The following CD300C variants were observed in gnomAD, a reference collection of about 807,000 sequenced individuals.
CD300C encodes the protein CD300c molecule.
In CD300C, 11 loss-of-function variants were observed where a neutral mutation model predicts 18.4. The ratio of observed to expected loss-of-function variants is 0.60; its 90% CI spans 0.38 to 0.99. The LOEUF is 0.99. Among genes scored for constraint, CD300C ranks in the 50% least tolerant of loss-of-function variants. CD300C has a pLI of 0.01. For synonymous variants in CD300C, 116 were observed against 116.3 expected, an observed-to-expected ratio of 1.00 and a Z score of 0.02; for missense variants, 277 against 287.4, an observed-to-expected ratio of 0.96 and a Z score of 0.26.
chr17:74,544,944 T>C lies in CD300C; in HGVS notation c.65A>G (p.Tyr22Cys). 1 of 1,605,686 alleles carries C rather than the reference T, an allele frequency of 6.2e-7. No individual in the cohort carries two copies. The highest frequency in any genetic ancestry group is 1.1e-5 in the South Asian group (1 of 90,078). ...GGTCATGGGGTGGCTCAGAGGAAAA[T>C]AGCCTGAAAAATACAAGCCAAAATC... ...SALLLLLVPGYFPLSHPMTVA... is the reference protein window; with the variant it reads ...SALLLLLVPGCFPLSHPMTVA... The change falls in exon 2 of 4, where the codon TAT becomes TGT. Residue 22 changes from tyrosine to cysteine, a missense_variant. Coordinates refer to ENST00000330793, the MANE Select transcript of CD300C (RefSeq NM_006678.5).
At chr17:74,541,996 G>A (rs113474324) in intron 3 of CD300C, among the ~76,000 whole-genome samples, 2,560 of 152,244 alleles carry the variant, frequency 0.017, 78 homozygotes, top group African/African-American at 0.057. Context: ...CAGGGTCTGT[G>A]TCCAGGACGC....
downstream of CD300C, among the ~76,000 whole-genome samples, chr17:74,539,134 A>G (rs1475251290): frequency 6.6e-6 from 1 of 151,798 alleles, no homozygotes; most frequent in African/African-American, 2.4e-5. Flanking sequence ...GACTCTCCCA[A>G]CCCTCTTACA....
Position 74,541,506 on chromosome 17 carries a change from GC to G in CD300C, c.*82del. On this transcript the variant is annotated 3_prime_UTR_variant, in exon 4 of 4. Coordinates refer to ENST00000330793, the MANE Select transcript of CD300C (RefSeq NM_006678.5). ...GATTCCAGGAGATGTGGAGAGAGCA[GC>G]CCGGGAGGGAGTGGTCAGGAGGTCA... 1 of 915,564 alleles carries G rather than the reference GC, an allele frequency of 1.1e-6. No homozygotes were observed. Among genetic ancestry groups the G allele is most frequent in the South Asian group, 1.3e-5 (1 of 75,374 alleles). 56.7% of individuals were successfully genotyped at this position (915,564 alleles called of 1,614,324 possible).
At chr17:74,540,248 C>T (rs921629935), downstream of CD300C, among the ~76,000 whole-genome samples, 2 of 152,216 alleles carry the variant, frequency 1.3e-5, no homozygotes, top group African/African-American at 4.8e-5. Context: ...CTCCTGATCC[C>T]TGCTTGCTCA....
chr17:74,544,897 A>T lies in CD300C; in HGVS notation c.112T>A (p.Ser38Thr). 6.2e-7 allele frequency: 1 copy of T among 1,612,328 alleles called. No individual in the cohort carries two copies. Residue 38 changes from serine (S) to threonine (T), a missense_variant, in exon 2 of 4, where the codon TCC becomes ACC. Physicochemically the swap from Ser to Thr is moderately conservative, Grantham distance 58. Transcript: ENST00000330793. Reference protein sequence around the residue: ...PMTVAGPVGGSLSVQCRYEKE... With the variant: ...PMTVAGPVGGTLSVQCRYEKE... ...TCATAGCGACACTGCACACTCAGGG[A>T]TCCCCCCACGGGGCCCGCCACGGTC... is the stretch of plus-strand genomic sequence containing the variant.
In CD300C at chr17:74,541,493, T is replaced by C; in HGVS notation, c.*96A>G. 1.2e-6 allele frequency: 1 copy of C among 804,534 alleles called. No individual in the cohort carries two copies. The highest frequency in any genetic ancestry group is 1.4e-5 in the South Asian group (1 of 70,512). The allele number at this position is 804,534 out of a possible 1,614,324, so 49.8% of individuals were successfully genotyped here. On this transcript the variant is annotated 3_prime_UTR_variant, in exon 4 of 4. Coordinates refer to ENST00000330793, the MANE Select transcript of CD300C (RefSeq NM_006678.5). ...GAGGCTCACAAAGGATTCCAGGAGA[T>C]GTGGAGAGAGCAGCCCGGGAGGGAG...
intron 1 of CD300C, 79 bp downstream of exon 1, chr17:74,545,643 G>A (rs1406004654): frequency 2.0e-5 from 23 of 1,141,338 alleles, no homozygotes; most frequent in African/African-American, 6.2e-5. Flanking sequence ...CTCTATGACC[G>A]CTACTCCAGC....
the CD300C span, among the ~76,000 whole-genome samples, chr17:74,534,675 A>G: frequency 6.6e-6 from 1 of 152,206 alleles, no homozygotes; most frequent in Non-Finnish European, 1.5e-5. Flanking sequence ...CTCTTTCTAG[A>G]TGGGTAACAG....
In CD300C at chr17:74,544,784, T is replaced by C; in HGVS notation, c.225A>G (p.Ala75=). The change falls in exon 2 of 4, where the codon GCA becomes GCG. Residue 75 remains alanine (A), a synonymous_variant. Transcript: ENST00000330793. ...CDKIVETKGS[A]GKRNGRVSIR... is the part of the protein sequence containing the mutation. ...TGGACACTCGGCCATTCCTTTTCCC[T>C]GCTGACCCTTTGGTCTCCACAATCT... The C allele has an allele frequency of 6.2e-7, 1 of 1,614,240 alleles. No homozygotes were observed. The highest frequency in any genetic ancestry group is 1.1e-5 in the South Asian group (1 of 91,082).
rs149274908 is a variant in CD300C, at chr17:74,544,823, A to G, written c.186T>C (p.Ile62=). The change falls in exon 2 of 4, where the codon ATT becomes ATC. Residue 62 remains isoleucine (I), a synonymous_variant. Transcript: ENST00000330793. The part of the protein sequence containing the change: ...LNKFWCRPPQ[I]LRCDKIVETK... ...TCTCCACAATCTTGTCACATCGGAG[A>G]ATCTGTGGTGGTCTGCACCAGAATT... 6.2e-7 allele frequency: 1 copy of G among 1,614,168 alleles called. No homozygotes were observed. The highest frequency in any genetic ancestry group is 8.5e-7 in the Non-Finnish European group (1 of 1,180,048).
downstream of CD300C, among the ~76,000 whole-genome samples, chr17:74,538,313 G>T (rs1908440470): frequency 6.6e-6 from 1 of 152,174 alleles, no homozygotes; most frequent in Non-Finnish European, 1.5e-5. Context: ...TCACCCACAG[G>T]ACAGCCCCCA....
chr17:74,543,494 G>A (rs1726279339), intron 2 of CD300C, among the ~76,000 whole-genome samples: 1 of 152,230 alleles, frequency 6.6e-6, no homozygotes, highest in African/African-American at 2.4e-5. Flanking sequence ...CCTCTCAGCA[G>A]GAGGGAATGC....
downstream of CD300C, among the ~76,000 whole-genome samples, chr17:74,540,152 G>GC (rs1024059487): frequency 6.6e-6 from 1 of 152,108 alleles, no homozygotes; most frequent in African/African-American, 2.4e-5. Flanking sequence ...AGTCTAAGAT[G>GC]CCCCCCTGGC....
intron 1 of CD300C, 62 bp from the exon 2 acceptor site, chr17:74,545,009 G>A: frequency 1.4e-6 from 2 of 1,468,996 alleles, no homozygotes; most frequent in Non-Finnish European, 1.9e-6. Context: ...GGGTGCCGCA[G>A]TGTCAGCCCC....
At chr17:74,538,102 A>C (rs77711158), downstream of CD300C, among the ~76,000 whole-genome samples, 10 of 152,340 alleles carry the variant, frequency 6.6e-5, no homozygotes, top group East Asian at 1.7e-3. Context: ...TGTAAAGTGC[A>C]TGTATTCTTT....
intron 2 of CD300C, among the ~76,000 whole-genome samples, chr17:74,543,348 C>G (rs960416276): frequency 6.6e-6 from 1 of 152,228 alleles, no homozygotes; most frequent in Non-Finnish European, 1.5e-5. Flanking sequence ...AGCCAGGGCC[C>G]TGGGCACAGC....
At chr17:74,540,663 A>T (rs920862911), downstream of CD300C, among the ~76,000 whole-genome samples, 2 of 152,236 alleles carry the variant, frequency 1.3e-5, no homozygotes, top group Non-Finnish European at 2.9e-5. Flanking sequence ...AATGGTGGGC[A>T]AATGATAACA....
Position 74,545,950 on chromosome 17 carries a change from T to A in CD300C, c.-168A>T, listed in dbSNP as rs962209018. 9 of 638,414 alleles carry A rather than the reference T, an allele frequency of 1.4e-5. No homozygotes were observed. In the African/African-American group the frequency reaches 1.6e-4, roughly 12 times the overall value. 39.5% of individuals were successfully genotyped at this position (638,414 alleles called of 1,614,324 possible). A position where few individuals can be genotyped will look rare whatever the true frequency, so the allele number is the denominator to read the frequency against. The stretch of plus-strand genomic sequence containing the variant: ...TGGAGAGGGTCAGGGTACAGGAAGC[T>A]CAGGGAGAGAGCCGCCTGGGCTGAG... On this transcript the variant is annotated 5_prime_UTR_variant, in exon 1 of 4. Coordinates refer to ENST00000330793, the MANE Select transcript of CD300C (RefSeq NM_006678.5).
At chr17:74,542,043 C>T (rs188417102) in intron 3 of CD300C, among the ~76,000 whole-genome samples, 7 of 152,166 alleles carry the variant, frequency 4.6e-5, no homozygotes, top group Non-Finnish European at 8.8e-5. Flanking sequence ...GAGGGTTACC[C>T]AGCTGGGGTC....
Sources: allele counts gnomAD v4.1 joint callset (sites outside exome capture counted in the v4.1 genomes callset), GRCh38; gene constraint gnomAD v4.1.1; transcripts MANE v1.5; gene names NCBI Gene and HGNC (gene_info 2026-07-23, HGNC 2026-07-21).